The following WDR27 variants were observed in gnomAD, a reference collection of about 807,000 sequenced individuals.
The protein encoded by WDR27 is WD repeat domain 27, also known as WD repeat-containing protein 27.
In WDR27, 100 loss-of-function variants were observed where a neutral mutation model predicts 114.4. That is an observed-to-expected ratio of 0.87 (90% CI 0.74 to 1.03). The LOEUF (loss-of-function observed/expected upper bound fraction) is 1.03. Ranked by LOEUF, WDR27 falls within the 50% of genes least tolerant of loss-of-function variation. The pLI is 0.00. For missense variants in WDR27, 1,129 were observed against 1,092.9 expected (o/e 1.03, Z -0.47); for synonymous variants, 449 against 423.1 (o/e 1.06, Z -0.75).
chr6:169,488,438 G>C (rs751363846), intron 25 of WDR27, among the ~76,000 whole-genome samples: 1 of 152,188 alleles, frequency 6.6e-6, no homozygotes, highest in Non-Finnish European at 1.5e-5. Flanking sequence ...AGAATTTTAA[G>C]ATCATGTCTT....
intron 25 of WDR27, among the ~76,000 whole-genome samples, chr6:169,482,160 G>A (rs1788251237): frequency 2.0e-5 from 3 of 152,138 alleles, no homozygotes; most frequent in African/African-American, 7.2e-5. Flanking sequence ...AGTATTCTAT[G>A]GTGTATATGT....
At chr6:169,536,786 A>G (rs1796249126) in intron 25 of WDR27, among the ~76,000 whole-genome samples, 1 of 152,118 alleles carries the variant, frequency 6.6e-6, no homozygotes, top group Non-Finnish European at 1.5e-5. Flanking sequence ...GCACAAGAAA[A>G]GCAGGAAGAG....
At chr6:169,444,438 A>C in the WDR27 span, among the ~76,000 whole-genome samples, 1 of 152,184 alleles carries the variant, frequency 6.6e-6, no homozygotes, top group South Asian at 2.1e-4. Flanking sequence ...CTCAACTGTG[A>C]GATGGGTCTC....
chr6:169,499,394 T>C (rs1368598474), intron 25 of WDR27, among the ~76,000 whole-genome samples: 2 of 152,242 alleles, frequency 1.3e-5, no homozygotes, highest in Non-Finnish European at 2.9e-5. Context: ...CAGCACTCCA[T>C]GCACTTGCCC....
chr6:169,576,566 G>C (rs914085886), intron 24 of WDR27, among the ~76,000 whole-genome samples: 1 of 152,146 alleles, frequency 6.6e-6, no homozygotes, highest in Non-Finnish European at 1.5e-5. Flanking sequence ...TTTGAGACCA[G>C]CCTGGGCAAA....
At position 169,644,817 on chromosome 6, in the gene WDR27, G is replaced by T. The variant is rs1431832829; in HGVS notation, c.1658-1031C>A. ...GAGGTCAGGAGATCGAGACCATCCC[G>T]GCTAAAACGGTGAAACCCCGTCTCT... On this transcript the variant is annotated intron_variant, in intron 16 of 25. Transcript: ENST00000448612. 4.3e-5 allele frequency among the ~76,000 whole-genome samples: 3 copies of T among 69,584 alleles called. 1 individual carries two copies. The allele number at this position is 69,584 out of a possible 152,430, so 45.6% of individuals were successfully genotyped here.
rs1554297554 is a variant in WDR27 at position 169,580,948 on chromosome 6, T to TATAC, written c.2523+1887_2523+1888insGTAT. Among the ~76,000 whole-genome samples the TATAC allele has an allele frequency of 1.5e-3, 148 of 96,988 alleles. 1 individual carries two copies. The Middle Eastern group carries it at 0.022, about 15-fold the overall frequency. The allele number at this position is 96,988 out of a possible 152,430, so 63.6% of individuals were successfully genotyped here. ...TTAGTGAATTTTATATATATATATA[T>TATAC]ATATACATATATATATATATAAATT... On this transcript the variant is annotated intron_variant, in intron 24 of 25. Coordinates refer to ENST00000448612, the MANE Select transcript of WDR27 (RefSeq NM_182552.5).
chr6:169,441,151 G>A, the WDR27 span, among the ~76,000 whole-genome samples: 1 of 152,030 alleles, frequency 6.6e-6, no homozygotes, highest in South Asian at 2.1e-4. Flanking sequence ...AGGCAAACCT[G>A]CCCTAAGAAA....
rs377324328 is a variant in WDR27, at chr6:169,664,167, T to A, written c.903A>T (p.Pro301=). 1.7e-5 allele frequency: 27 copies of A among 1,586,526 alleles called. No individual in the cohort carries two copies. The highest frequency in any genetic ancestry group is 2.2e-5 in the Non-Finnish European group (26 of 1,166,300). Residue 301 remains proline (P), a splice_region_variant and synonymous_variant, in exon 8 of 26, where the codon CCA becomes CCT. Coordinates refer to ENST00000448612, the MANE Select transcript of WDR27 (RefSeq NM_182552.5). The part of the protein sequence containing the change: ...RRVKSGLCSQ[P]EESQLPSTSA... ...TGAGGGAGGGTCTGAGCAACCCACCTGGCTGGCTGCACAGCCCAGACTTAA... is the reference window on the plus strand; with the variant it reads ...TGAGGGAGGGTCTGAGCAACCCACCAGGCTGGCTGCACAGCCCAGACTTAA...
At chr6:169,426,735 TCACTGTGCTG>T in the WDR27 span, 1 of 152,106 alleles carries the variant, frequency 6.6e-6, no homozygotes, top group African/African-American at 2.4e-5. Context: ...TCCATTGGTG[TCACTGTGCTG>T]CACAGTATCT....
intron 25 of WDR27, among the ~76,000 whole-genome samples, chr6:169,518,483 C>T (rs146984349): frequency 1.5e-3 from 224 of 152,334 alleles, no homozygotes; most frequent in Non-Finnish European, 2.5e-3. Context: ...TCTTAAGTGA[C>T]AGCACAAACT....
At chr6:169,643,610 CA>C (rs1819733188) in intron 17 of WDR27, 86 bp downstream of exon 17, 1 of 1,160,414 alleles carries the variant, frequency 8.6e-7, no homozygotes, top group South Asian at 1.5e-5. Context: ...CTGAAGGAAA[CA>C]AAAGTGTCCT....
At chr6:169,438,236 CTTTTTTTTT>C in the WDR27 span, among the ~76,000 whole-genome samples, 13 of 105,432 alleles carry the variant, frequency 1.2e-4, no homozygotes, top group East Asian at 2.9e-4. Flanking sequence ...TTTACTTTTT[CTTTTTTTTT>C]TTTTTTTTTT....
the WDR27 span, among the ~76,000 whole-genome samples, chr6:169,450,740 C>G: frequency 5.3e-5 from 8 of 152,152 alleles, no homozygotes; most frequent in Admixed American, 1.3e-4. Flanking sequence ...GCACCCTTTT[C>G]CATCTGGTGT....
chr6:169,583,512 T>TACACAC (rs145440232), intron 23 of WDR27, among the ~76,000 whole-genome samples: 259 of 38,828 alleles, frequency 6.7e-3, no homozygotes, highest in African/African-American at 0.013. Context: ...TATGTATATA[T>TACACAC]ACACACACAC....
At chr6:169,490,803 C>T (rs1789652643) in intron 25 of WDR27, among the ~76,000 whole-genome samples, 2 of 152,138 alleles carry the variant, frequency 1.3e-5, no homozygotes, top group Non-Finnish European at 2.9e-5. Context: ...TGTGTCTCAG[C>T]CTGCATCTCT....
At chr6:169,460,163 TATC>T (rs1448711410) in intron 25 of WDR27, among the ~76,000 whole-genome samples, 2 of 152,226 alleles carry the variant, frequency 1.3e-5, no homozygotes, top group African/African-American at 2.4e-5. Flanking sequence ...AAGCTAGTAT[TATC>T]ATAACTTTGG....
chr6:169,633,069 C>G lies in WDR27; in HGVS notation c.2102-1G>C. ...TTCCGGCCAGCTGCGAGTACGATGT[C>G]TGCGATAATCCAGTTAGGGAGCTCT... On this transcript the variant is annotated splice_acceptor_variant, in intron 20 of 25. Coordinates refer to ENST00000448612, the MANE Select transcript of WDR27 (RefSeq NM_182552.5). LOFTEE classifies it high-confidence loss of function. 6 of 1,576,582 alleles carry G rather than the reference C, an allele frequency of 3.8e-6. No individual in the cohort carries two copies. The highest frequency in any genetic ancestry group is 5.2e-6 in the Non-Finnish European group (6 of 1,151,116).
At chr6:169,453,539 C>G (rs1011337099), downstream of WDR27, among the ~76,000 whole-genome samples, 1 of 152,174 alleles carries the variant, frequency 6.6e-6, no homozygotes, top group Non-Finnish European at 1.5e-5. Flanking sequence ...TCCCACTATT[C>G]CTTTTGAAGT....
Sources: allele counts gnomAD v4.1 joint callset (sites outside exome capture counted in the v4.1 genomes callset), GRCh38; gene constraint gnomAD v4.1.1; transcripts MANE v1.5; gene names NCBI Gene and HGNC (gene_info 2026-07-23, HGNC 2026-07-21).